Variants in MALRD1 observed in about 807,000 individuals in gnomAD.
MALRD1 encodes MAM and LDL-receptor class A domain-containing protein 1.
A neutral mutation model predicts 242.1 loss-of-function variants in MALRD1; 247 were observed. That is an observed-to-expected ratio of 1.02 (90% confidence interval 0.92 to 1.13). The LOEUF is 1.13. Among genes scored for constraint, MALRD1 ranks in the 50% most tolerant of loss-of-function variants. The probability of loss-of-function intolerance (pLI) is 0.00; values close to 1 mark genes in which losing one functional copy is unlikely to be tolerated. For missense variants in MALRD1, 2,989 were observed against 2,533.1 expected, an observed-to-expected ratio of 1.18 and a Z score of -3.86; for synonymous variants, 995 against 866.6, an observed-to-expected ratio of 1.15 and a Z score of -2.60.
chr10:19,170,424 T>A (rs1189923432), intron 13 of MALRD1, among the ~76,000 whole-genome samples: 1 of 152,180 alleles, frequency 6.6e-6, no homozygotes, highest in Admixed American at 6.6e-5. Flanking sequence ...ATATTTTAGA[T>A]TTCATTTTGA....
intron 18 of MALRD1, among the ~76,000 whole-genome samples, chr10:19,241,424 C>G (rs1271273276): frequency 6.6e-6 from 1 of 151,976 alleles, no homozygotes; most frequent in Non-Finnish European, 1.5e-5. Flanking sequence ...TGTAATGTCT[C>G]CTTTTTCATC....
At chr10:19,272,668 T>G (rs765798917) in intron 19 of MALRD1, among the ~76,000 whole-genome samples, 2 of 152,178 alleles carry the variant, frequency 1.3e-5, no homozygotes, top group Non-Finnish European at 2.9e-5. Context: ...TTTGTCCTAA[T>G]GCTATCCCTC....
intron 1 of MALRD1, chr10:19,051,491 C>T (rs973123841): frequency 3.6e-5 from 7 of 193,984 alleles, no homozygotes. Context: ...AAAAGTCCCT[C>T]TCAATTTCCG....
chr10:19,332,107 G>T (rs1234815437), intron 24 of MALRD1, among the ~76,000 whole-genome samples: 1 of 151,634 alleles, frequency 6.6e-6, no homozygotes, highest in African/African-American at 2.4e-5. Context: ...CTCATGATCT[G>T]CCTGCCTTGG....
intron 21 of MALRD1, among the ~76,000 whole-genome samples, chr10:19,315,611 TATTTA>T (rs1331555625): frequency 1.2e-5 from 1 of 86,872 alleles, no homozygotes; most frequent in East Asian, 4.0e-4. Context: ...AAATTATAAA[TATTTA>T]TATAAATTAT....
chr10:19,487,013 TC>T (rs1418521462), intron 29 of MALRD1, among the ~76,000 whole-genome samples: 1 of 152,146 alleles, frequency 6.6e-6, no homozygotes, highest in East Asian at 1.9e-4. Flanking sequence ...TCTTTCAGTT[TC>T]TCATGCTTTA....
Position 19,366,193 on chromosome 10 carries a change from A to G in MALRD1, c.4441+13896A>G, listed in dbSNP as rs563344862. Among the ~76,000 whole-genome samples, 32 of 152,000 alleles carry G rather than the reference A, an allele frequency of 2.1e-4. 1 individual carries two copies. Among genetic ancestry groups the G allele is most frequent in the Non-Finnish European group, 1.9e-4 (13 of 67,970 alleles). On this transcript the variant is annotated intron_variant, in intron 26 of 39. Transcript: ENST00000454679. ...TGCAACTTACCATAATGTAGAATCA[A>G]TGGGAGCCCTGAGTTTATTTTCCTG... is the stretch of plus-strand genomic sequence containing the variant.
chr10:19,143,100 A>C (rs1200070949), intron 10 of MALRD1, among the ~76,000 whole-genome samples: 1 of 152,214 alleles, frequency 6.6e-6, no homozygotes, highest in Non-Finnish European at 1.5e-5. Context: ...TTCATTTTTC[A>C]AAGGATGGTG....
At chr10:19,590,722 T>A (rs1837734517) in intron 33 of MALRD1, among the ~76,000 whole-genome samples, 1 of 152,196 alleles carries the variant, frequency 6.6e-6, no homozygotes, top group Non-Finnish European at 1.5e-5. Flanking sequence ...TGTCTGTGTG[T>A]GTGTATGTGG....
intron 11 of MALRD1, among the ~76,000 whole-genome samples, chr10:19,149,077 C>CATGTATCTATCT (rs1554798066): frequency 2.1e-5 from 3 of 143,920 alleles, no homozygotes; most frequent in African/African-American, 2.6e-5. Context: ...TCTATCTGTC[C>CATGTATCTATCT]ATCTATCTAT....
intron 32 of MALRD1, among the ~76,000 whole-genome samples, chr10:19,560,740 C>G (rs1231597631): frequency 6.6e-6 from 1 of 152,050 alleles, no homozygotes; most frequent in African/African-American, 2.4e-5. Flanking sequence ...CATGTTCTCA[C>G]TTATAAGTGG....
At chr10:19,286,530 G>A (rs924517124) in intron 21 of MALRD1, among the ~76,000 whole-genome samples, 2 of 152,066 alleles carry the variant, frequency 1.3e-5, no homozygotes, top group African/African-American at 2.4e-5. Context: ...TTTGTCTTTG[G>A]CTCTGTTTAT....
intron 39 of MALRD1, among the ~76,000 whole-genome samples, chr10:19,731,492 T>TTGTGTGTGTGTGTGTGTGTGTGTGTG (rs199973822): frequency 6.8e-6 from 1 of 146,900 alleles, no homozygotes; most frequent in African/African-American, 2.5e-5. Flanking sequence ...ATAGTTTACT[T>TTGTGTGTGTGTGTGTGTGTGTGTGTG]TGTGTGTGTG....
rs116752087 is a variant in MALRD1, at chr10:19,643,637, C to A, written c.6137+27714C>A. 9.2e-3 allele frequency among the ~76,000 whole-genome samples: 1,401 copies of A among 152,192 alleles called. 19 individuals are homozygous for A. Among genetic ancestry groups the A allele is most frequent in the African/African-American group, 0.032 (1,314 of 41,502 alleles). On this transcript the variant is annotated intron_variant, in intron 36 of 39. Transcript: ENST00000454679. Reference sequence around the variant, plus strand: ...TTGAGCCCCCATACTACTCCAATAACAGATGAAATTAAAGTGTAGACACCA... The same window carrying A: ...TTGAGCCCCCATACTACTCCAATAAAAGATGAAATTAAAGTGTAGACACCA...
At chr10:19,318,079 C>T (rs1415717157) in intron 21 of MALRD1, among the ~76,000 whole-genome samples, 1 of 152,010 alleles carries the variant, frequency 6.6e-6, no homozygotes, top group African/African-American at 2.4e-5. Flanking sequence ...TTATGAGTGA[C>T]AGTACTGTTA....
At chr10:19,546,256 T>C (rs1835203369) in intron 32 of MALRD1, among the ~76,000 whole-genome samples, 1 of 152,240 alleles carries the variant, frequency 6.6e-6, no homozygotes, top group South Asian at 2.1e-4. Context: ...TGCATTCTGA[T>C]TCAGCATCTC....
chr10:19,323,953 A>T lies in MALRD1; in HGVS notation c.3424A>T (p.Thr1142Ser), dbSNP rs1482206867. 1 of 1,550,624 alleles carries T rather than the reference A, an allele frequency of 6.4e-7. No homozygotes were observed. The highest frequency in any genetic ancestry group is 1.2e-5 in the South Asian group (1 of 84,040). The change falls in exon 22 of 40, where the codon ACC (threonine) becomes TCC (serine). Residue 1142 changes from threonine to serine, a missense_variant. Thr to Ser is a moderately conservative substitution (Grantham distance 58, BLOSUM62 1). Transcript: ENST00000454679. ...TATGATAAATTCCTTTTCCAGAAAT[A>T]CCACTGATGGCTGGTACCTGTATGC... is the stretch of plus-strand genomic sequence containing the variant. ...HRPSVDHTQN[T>S]TDGWYLYADS...
chr10:19,501,100 C>A (rs114289691), intron 31 of MALRD1, among the ~76,000 whole-genome samples: 2,607 of 152,088 alleles, frequency 0.017, 45 homozygotes, highest in East Asian at 0.056. Flanking sequence ...TCAAATTAGA[C>A]CCTGCACAGA....
intron 33 of MALRD1, among the ~76,000 whole-genome samples, chr10:19,577,770 A>T (rs985431302): frequency 6.6e-6 from 1 of 152,082 alleles, no homozygotes; most frequent in Non-Finnish European, 1.5e-5. Context: ...TATATATAAT[A>T]AAACATAACA....
Sources: allele counts gnomAD v4.1 joint callset (sites outside exome capture counted in the v4.1 genomes callset), GRCh38; gene constraint gnomAD v4.1.1; transcripts MANE v1.5; gene names NCBI Gene and HGNC (gene_info 2026-07-23, HGNC 2026-07-21).